ARB2A: variants seen among roughly 807,000 people sequenced by gnomAD.
The protein encoded by ARB2A is ARB2 cotranscriptional regulator A.
the ARB2A span, among the ~76,000 whole-genome samples, chr5:93,716,693 CAAAAAAAAAAA>C: frequency 5.5e-5 from 2 of 36,684 alleles, no homozygotes; most frequent in Admixed American, 3.9e-4. Context: ...ATAAGCTGTG[CAAAAAAAAAAA>C]AAAAAAAAAA....
At chr5:94,058,946 T>C in the ARB2A span, among the ~76,000 whole-genome samples, 50 of 152,016 alleles carry the variant, frequency 3.3e-4, no homozygotes, top group African/African-American at 1.2e-3. Flanking sequence ...CACCTCTTCC[T>C]TCTCTCTCTC....
At chr5:93,864,562 C>T in the ARB2A span, among the ~76,000 whole-genome samples, 1 of 152,064 alleles carries the variant, frequency 6.6e-6, no homozygotes, top group Admixed American at 6.5e-5. Context: ...TATTATTCAA[C>T]AAAACAATCA....
the ARB2A span, among the ~76,000 whole-genome samples, chr5:94,036,850 G>C: frequency 1.3e-5 from 2 of 152,144 alleles, no homozygotes; most frequent in African/African-American, 4.8e-5. Flanking sequence ...TTAGAATCCA[G>C]GTTTTGTTAC....
the ARB2A span, among the ~76,000 whole-genome samples, chr5:93,709,136 T>C: frequency 6.6e-6 from 1 of 151,782 alleles, no homozygotes; most frequent in Admixed American, 6.6e-5. Context: ...CCATGTTGTA[T>C]ACCTTGAATA....
the ARB2A span, among the ~76,000 whole-genome samples, chr5:93,662,640 C>T: frequency 6.6e-6 from 1 of 152,182 alleles, no homozygotes; most frequent in African/African-American, 2.4e-5. Context: ...ATGTTTTTCT[C>T]ACAATTTTTC....
the ARB2A span, among the ~76,000 whole-genome samples, chr5:94,014,286 C>T: frequency 6.6e-6 from 1 of 152,210 alleles, no homozygotes; most frequent in Non-Finnish European, 1.5e-5. Flanking sequence ...GAGGCCTCCC[C>T]CATTTGGGAT....
chr5:93,871,335 C>A, the ARB2A span, among the ~76,000 whole-genome samples: 1 of 152,026 alleles, frequency 6.6e-6, no homozygotes, highest in East Asian at 1.9e-4. Flanking sequence ...GTTACAAAAT[C>A]ATATATGGGT....
the ARB2A span, chr5:93,806,064 T>G: frequency 2.2e-6 from 1 of 449,892 alleles, no homozygotes; most frequent in Non-Finnish European, 2.9e-6. Flanking sequence ...AAGTAAATTA[T>G]GCAAGATGAT....
chr5:93,858,138 G>A, the ARB2A span, among the ~76,000 whole-genome samples: 1 of 152,192 alleles, frequency 6.6e-6, no homozygotes, highest in Non-Finnish European at 1.5e-5. Context: ...CACACAAGAT[G>A]TGCGTAATTG....
At chr5:93,958,092 T>C in the ARB2A span, among the ~76,000 whole-genome samples, 1 of 152,028 alleles carries the variant, frequency 6.6e-6, no homozygotes, top group African/African-American at 2.4e-5. Flanking sequence ...TATGCCAATA[T>C]TATGTCAGAA....
At chr5:93,685,869 A>G in the ARB2A span, among the ~76,000 whole-genome samples, 1 of 152,214 alleles carries the variant, frequency 6.6e-6, no homozygotes, top group East Asian at 1.9e-4. Context: ...AAACAAGTTC[A>G]TGTTGAAGCT....
chr5:94,068,905 G>A, the ARB2A span, among the ~76,000 whole-genome samples: 35 of 151,544 alleles, frequency 2.3e-4, no homozygotes, highest in African/African-American at 8.5e-4. Context: ...TGTGGTGGTG[G>A]GCACCTGTAA....
the ARB2A span, among the ~76,000 whole-genome samples, chr5:94,049,605 C>G: frequency 6.6e-6 from 1 of 150,778 alleles, no homozygotes; most frequent in South Asian, 2.1e-4. Context: ...AGGTGAAACC[C>G]CATCTCTACT....
the ARB2A span, among the ~76,000 whole-genome samples, chr5:93,809,237 A>T: frequency 6.6e-5 from 10 of 152,014 alleles, no homozygotes; most frequent in African/African-American, 2.4e-4. Flanking sequence ...GATTTATTTA[A>T]CTAGTGGAAA....
the ARB2A span, among the ~76,000 whole-genome samples, chr5:93,920,358 G>C: frequency 2.6e-5 from 4 of 152,144 alleles, no homozygotes; most frequent in Admixed American, 2.0e-4. Context: ...TGTTAACACA[G>C]ACCATAATTT....
the ARB2A span, among the ~76,000 whole-genome samples, chr5:93,935,106 G>A: frequency 1.3e-5 from 2 of 152,030 alleles, no homozygotes; most frequent in Non-Finnish European, 2.9e-5. Flanking sequence ...GCGGGTGAGG[G>A]ATAAAAGACT....
At chr5:93,996,539 C>A in the ARB2A span, among the ~76,000 whole-genome samples, 1 of 152,040 alleles carries the variant, frequency 6.6e-6, no homozygotes, top group African/African-American at 2.4e-5. Flanking sequence ...AGTCAGATTT[C>A]TTGCATTGGC....
chr5:93,827,988 C>G, the ARB2A span, among the ~76,000 whole-genome samples: 2 of 152,230 alleles, frequency 1.3e-5, no homozygotes, highest in East Asian at 1.9e-4. Context: ...GTTTCGGTTA[C>G]TGTAGCCTTG....
At chr5:93,741,100 A>T in the ARB2A span, 2 of 1,613,638 alleles carry the variant, frequency 1.2e-6, no homozygotes, top group Non-Finnish European at 1.7e-6. Context: ...CACCTTCCCA[A>T]ACAGAGCTCC....
Sources: gnomAD v4.1 joint callset for allele counts (sites outside exome capture counted in the v4.1 genomes callset) on GRCh38, gnomAD v4.1.1 for gene constraint, MANE v1.5 for transcripts, NCBI Gene and HGNC (gene_info 2026-07-23, HGNC 2026-07-21) for gene names.